PCDH9: variants seen among roughly 807,000 people sequenced by gnomAD.
The protein encoded by PCDH9 is protocadherin 9.
PCDH9 carries 24 observed loss-of-function variants against 70.6 expected under a neutral mutation model. The ratio of observed to expected loss-of-function variants is 0.34; its 90% CI spans 0.25 to 0.48. PCDH9 has a LOEUF of 0.48. PCDH9 is among the 20% of genes least tolerant of loss of function. The pLI is 0.99. For missense variants in PCDH9, 1,281 were observed against 1,503.6 expected (o/e 0.85, Z 2.45); for synonymous variants, 562 against 558.5 (o/e 1.01, Z -0.09).
intron 3 of PCDH9, among the ~76,000 whole-genome samples, chr13:66,767,951 G>C (rs2079745002): frequency 6.6e-6 from 1 of 152,008 alleles, no homozygotes; most frequent in Non-Finnish European, 1.5e-5. Context: ...GACTTGAAAA[G>C]TAAAAATAGT....
At chr13:66,626,778 C>T (rs1047159411) in intron 4 of PCDH9, among the ~76,000 whole-genome samples, 2 of 152,064 alleles carry the variant, frequency 1.3e-5, no homozygotes, top group African/African-American at 2.4e-5. Context: ...TCAATTATTG[C>T]TTAATTTGCA....
At chr13:66,892,490 G>A (rs929349725) in intron 3 of PCDH9, among the ~76,000 whole-genome samples, 6 of 151,788 alleles carry the variant, frequency 4.0e-5, no homozygotes, top group African/African-American at 1.5e-4. Context: ...CAGTATTTGT[G>A]CAATCATTTC....
rs987967206 is a variant in PCDH9, at chr13:66,838,619, A to C, written c.3138+64885T>G. On this transcript the variant is annotated intron_variant, in intron 3 of 4. Coordinates refer to ENST00000377865, the MANE Select transcript of PCDH9 (RefSeq NM_203487.3). ...AACACAATTTTTCATGCTAGCATGA[A>C]AAACTCTGGTACATAAAAACCCATG... is the stretch of plus-strand genomic sequence containing the variant. Among the ~76,000 whole-genome samples the C allele has an allele frequency of 1.1e-4, 17 of 150,028 alleles. No homozygotes were observed. In the East Asian group the frequency reaches 1.9e-3, roughly 17 times the overall value.
At chr13:66,852,605 C>T (rs1218434771) in intron 3 of PCDH9, among the ~76,000 whole-genome samples, 1 of 152,140 alleles carries the variant, frequency 6.6e-6, no homozygotes, top group Non-Finnish European at 1.5e-5. Context: ...CCCTTCTTAC[C>T]AACTTCATCT....
rs568218493 is a variant in PCDH9 at position 66,921,978 on chromosome 13, G to A, written c.3037-18373C>T. ...TTTAAGGTCAATATCACTGCTGAAA[G>A]AACAAAAAAAGTTTATGAAAACTTT... On this transcript the variant is annotated intron_variant, in intron 2 of 4. Coordinates refer to ENST00000377865, the MANE Select transcript of PCDH9 (RefSeq NM_203487.3). Among the ~76,000 whole-genome samples the A allele has an allele frequency of 1.5e-4, 22 of 151,320 alleles. No individual in the cohort carries two copies. In the East Asian group the frequency reaches 3.7e-3, roughly 25 times the overall value.
intron 2 of PCDH9, among the ~76,000 whole-genome samples, chr13:66,972,172 T>G (rs996264508): frequency 2.6e-5 from 4 of 151,942 alleles, no homozygotes; most frequent in Non-Finnish European, 4.4e-5. Flanking sequence ...AGAATCATAC[T>G]GCAACACAAG....
intron 3 of PCDH9, among the ~76,000 whole-genome samples, chr13:66,844,011 A>T (rs1566234439): frequency 6.6e-6 from 1 of 150,980 alleles, no homozygotes; most frequent in Non-Finnish European, 1.5e-5. Context: ...TTTCTAATAC[A>T]TTTTTTTTTC....
rs976617641 is a variant in PCDH9, at chr13:67,074,225, T to C, written c.3036+151180A>G. 2.0e-5 allele frequency among the ~76,000 whole-genome samples: 3 copies of C among 152,204 alleles called. No individual in the cohort carries two copies. In the East Asian group the frequency reaches 5.8e-4, roughly 29 times the overall value. ...AATGGTATTAGGAGGTGGGGGTTTT[T>C]GTAGGTGATTGGGTCACAAGCTACC... is the stretch of plus-strand genomic sequence containing the variant. On this transcript the variant is annotated intron_variant, in intron 2 of 4. Transcript: ENST00000377865.
At chr13:66,319,371 G>A (rs1955710615) in intron 4 of PCDH9, among the ~76,000 whole-genome samples, 1 of 152,102 alleles carries the variant, frequency 6.6e-6, no homozygotes, top group South Asian at 2.1e-4. Flanking sequence ...AAATACAGGG[G>A]TTCTTGAAGC....
Position 66,631,338 on chromosome 13 carries a change from T to C in PCDH9, c.3212A>G (p.His1071Arg). The change falls in exon 4 of 5, where the codon CAT (histidine) becomes CGT (arginine). Residue 1071 changes from histidine to arginine, a missense_variant. This residue lies in a region of PCDH9 where 264 missense variants were observed against 278.8 expected (regional missense o/e 0.95). Transcript: ENST00000377865. ...CAGGGTTCCACTACCCACCGGCTCA[T>C]GGTCTCCTAGACCACTGTCACTGCA... is the stretch of plus-strand genomic sequence containing the variant. The part of the protein sequence containing the change: ...ESCSDSGLGD[H>R]EPVGSGTLIS... 6.2e-7 allele frequency: 1 copy of C among 1,610,228 alleles called. No homozygotes were observed. Among genetic ancestry groups the C allele is most frequent in the Non-Finnish European group, 8.5e-7 (1 of 1,176,444 alleles).
intron 3 of PCDH9, among the ~76,000 whole-genome samples, chr13:66,767,401 T>C (rs148239436): frequency 7.9e-4 from 121 of 152,260 alleles, no homozygotes; most frequent in African/African-American, 2.7e-3. Context: ...CAAGAACAAA[T>C]ATGAGTCAAG....
rs2089853992 is a variant in PCDH9, at chr13:67,225,932, G to A, written c.2509C>T (p.Arg837Cys). Reference protein sequence around the residue: ...IVVIFVTVLVRCRHASRFKAA... With the variant: ...IVVIFVTVLVCCRHASRFKAA... ...TTGAACCTTGATGCATGGCGACAGC[G>A]CACCAGAACGGTGACGAAGATCACA... Residue 837 changes from arginine to cysteine, a missense_variant, in exon 2 of 5, where the codon CGC becomes TGC. Arg to Cys is a radical substitution (Grantham distance 180). Around this residue, in one of 4 missense-constraint regions of PCDH9, gnomAD observed 207 missense variants for 191.8 expected, o/e 1.08. Transcript: ENST00000377865. The A allele has an allele frequency of 1.2e-6, 2 of 1,613,938 alleles. No homozygotes were observed. Among genetic ancestry groups the A allele is most frequent in the African/African-American group, 1.3e-5 (1 of 74,888 alleles).
At chr13:66,673,923 T>C (rs934180975) in intron 3 of PCDH9, among the ~76,000 whole-genome samples, 3 of 152,210 alleles carry the variant, frequency 2.0e-5, no homozygotes, top group Non-Finnish European at 4.4e-5. Context: ...GTCTTCCTTG[T>C]ATCATTCAGT....
intron 4 of PCDH9, among the ~76,000 whole-genome samples, chr13:66,597,936 C>A (rs1389766983): frequency 6.6e-5 from 10 of 150,832 alleles, no homozygotes; most frequent in African/African-American, 2.4e-4. Context: ...CAAAAAAAAA[C>A]AAAGATGCAT....
chr13:66,404,596 G>A (rs1357554406), intron 4 of PCDH9, among the ~76,000 whole-genome samples: 1 of 151,162 alleles, frequency 6.6e-6, no homozygotes, highest in Non-Finnish European at 1.5e-5. Flanking sequence ...AGGGAGGGAA[G>A]GAATGAAAAG....
intron 4 of PCDH9, among the ~76,000 whole-genome samples, chr13:66,488,280 G>T (rs1184125360): frequency 6.6e-6 from 1 of 152,118 alleles, no homozygotes; most frequent in East Asian, 1.9e-4. Context: ...ATTGCTCAAG[G>T]AGAGAGATGA....
intron 4 of PCDH9, among the ~76,000 whole-genome samples, chr13:66,577,329 C>T (rs2076829415): frequency 6.6e-6 from 1 of 151,840 alleles, no homozygotes; most frequent in South Asian, 2.1e-4. Flanking sequence ...GAACAAAACT[C>T]TATCCTGGAC....
At chr13:66,541,951 T>C (rs1960975054) in intron 4 of PCDH9, among the ~76,000 whole-genome samples, 1 of 152,304 alleles carries the variant, frequency 6.6e-6, no homozygotes, top group South Asian at 2.1e-4. Flanking sequence ...TGAGTAGTTT[T>C]CCTCGTCTGT....
At chr13:67,129,106 G>C (rs1382294375) in intron 2 of PCDH9, among the ~76,000 whole-genome samples, 1 of 151,878 alleles carries the variant, frequency 6.6e-6, no homozygotes, top group Non-Finnish European at 1.5e-5. Flanking sequence ...ACTACTTATC[G>C]GCATTCTTGT....
Sources: gnomAD v4.1 joint callset for allele counts (sites outside exome capture counted in the v4.1 genomes callset) on GRCh38, gnomAD v4.1.1 for gene constraint, gnomAD v4.1.1 regional missense constraint, MANE v1.5 for transcripts, NCBI Gene and HGNC (gene_info 2026-07-23, HGNC 2026-07-21) for gene names.